Variants in DLG2 observed in about 807,000 individuals in gnomAD.
DLG2 encodes disks large homolog 2.
A neutral mutation model predicts 132.5 loss-of-function variants in DLG2; 45 were observed. The observed-to-expected ratio is 0.34, with a 90% CI of 0.27 to 0.44. The LOEUF (loss-of-function observed/expected upper bound fraction) is 0.44, where lower values mean the gene tolerates loss of function less well. Among genes scored for constraint, DLG2 ranks in the 20% least tolerant of loss-of-function variants. The pLI, the probability that DLG2 is intolerant of heterozygous loss-of-function variation, is 1.00. For missense variants in DLG2, 1,045 were observed against 1,196.9 expected (o/e 0.87, Z 1.87); for synonymous variants, 424 against 419.6 (o/e 1.01, Z -0.13).
At chr11:84,366,407 A>T (rs902438888) in intron 7 of DLG2, among the ~76,000 whole-genome samples, 2 of 152,156 alleles carry the variant, frequency 1.3e-5, no homozygotes, top group Non-Finnish European at 2.9e-5. Context: ...TGCATCAACT[A>T]ACGAGCAAAA....
chr11:85,036,706 A>G (rs1317727540), intron 6 of DLG2, among the ~76,000 whole-genome samples: 1 of 152,172 alleles, frequency 6.6e-6, no homozygotes, highest in African/African-American at 2.4e-5. Flanking sequence ...ACAGCACAAT[A>G]TCTTTCTTTC....
At chr11:84,319,165 A>G (rs1187127906) in intron 7 of DLG2, among the ~76,000 whole-genome samples, 3 of 152,192 alleles carry the variant, frequency 2.0e-5, no homozygotes, top group Non-Finnish European at 4.4e-5. Flanking sequence ...CAATACCTGA[A>G]GACAGTGACG....
At chr11:84,307,861 C>A (rs2098241686) in intron 7 of DLG2, among the ~76,000 whole-genome samples, 1 of 151,854 alleles carries the variant, frequency 6.6e-6, no homozygotes. Context: ...AAGCTGCGGA[C>A]CTTCGCGGTG....
intron 3 of DLG2, among the ~76,000 whole-genome samples, chr11:85,490,737 C>A (rs1421020569): frequency 6.6e-6 from 1 of 151,952 alleles, no homozygotes; most frequent in Non-Finnish European, 1.5e-5. Context: ...TACAACCTCC[C>A]CAGATTCAAC....
intron 6 of DLG2, among the ~76,000 whole-genome samples, chr11:85,035,809 GATTA>G (rs1341597373): frequency 6.6e-6 from 1 of 152,110 alleles, no homozygotes; most frequent in Admixed American, 6.5e-5. Context: ...TGTTAGCTTT[GATTA>G]AGCTAAAAAG....
intron 18 of DLG2, among the ~76,000 whole-genome samples, chr11:83,645,482 A>G (rs1178535653): frequency 1.3e-5 from 2 of 152,146 alleles, no homozygotes; most frequent in Admixed American, 1.3e-4. Context: ...TGACCATTCT[A>G]TCCTCCAGAC....
chr11:84,425,156 G>A (rs2098962383), intron 7 of DLG2, among the ~76,000 whole-genome samples: 1 of 151,884 alleles, frequency 6.6e-6, no homozygotes. Flanking sequence ...TAATACCAAG[G>A]GGCAAATGAG....
rs962870202 is a variant in DLG2 at position 83,764,645 on chromosome 11, T to A, written c.1825+22045A>T. 1.2e-4 allele frequency among the ~76,000 whole-genome samples: 19 copies of A among 152,340 alleles called. 1 individual carries two copies. The highest frequency in any genetic ancestry group is 4.6e-4 in the African/African-American group (19 of 41,564). ...TTATCTTATAACATAGCTACTATTA[T>A]CTCAATTTTATTAATAAAGAGACTG... On this transcript the variant is annotated intron_variant, in intron 18 of 27. Transcript: ENST00000376104.
At chr11:84,260,671 C>A (rs943095870) in intron 7 of DLG2, among the ~76,000 whole-genome samples, 1 of 152,112 alleles carries the variant, frequency 6.6e-6, no homozygotes, top group East Asian at 1.9e-4. Flanking sequence ...GAAGGATTGA[C>A]GGAACTTTCT....
chr11:84,320,723 T>G (rs1038755397), intron 7 of DLG2, among the ~76,000 whole-genome samples: 1 of 152,164 alleles, frequency 6.6e-6, no homozygotes, highest in Non-Finnish European at 1.5e-5. Flanking sequence ...GAATTTAGTG[T>G]GGAAGAAAAC....
Position 83,994,631 on chromosome 11 carries a change from C to T in DLG2, c.920-13989G>A, listed in dbSNP as rs368483492. Among the ~76,000 whole-genome samples, 14 of 152,168 alleles carry T rather than the reference C, an allele frequency of 9.2e-5. No individual in the cohort carries two copies. The East Asian group carries it at 1.7e-3, about 19-fold the overall frequency. ...TTAACAAACCATGCAAGAAAGGGAT[C>T]GGGGTAAAATAATGCAGTGAGCTAC... On this transcript the variant is annotated intron_variant, in intron 11 of 27. Coordinates refer to ENST00000376104, the MANE Select transcript of DLG2 (RefSeq NM_001142699.3).
chr11:83,778,313 T>C (rs1314449975), intron 18 of DLG2, among the ~76,000 whole-genome samples: 1 of 152,150 alleles, frequency 6.6e-6, no homozygotes, highest in Non-Finnish European at 1.5e-5. Flanking sequence ...GCATTTGATC[T>C]GGGTGTTGCT....
intron 6 of DLG2, among the ~76,000 whole-genome samples, chr11:84,661,726 A>T (rs972272796): frequency 1.3e-5 from 2 of 152,008 alleles, no homozygotes; most frequent in Non-Finnish European, 1.5e-5. Context: ...AGGGAGGGAG[A>T]TTCAGAGATT....
At chr11:84,556,988 C>G (rs1021079710) in intron 6 of DLG2, among the ~76,000 whole-genome samples, 2 of 152,086 alleles carry the variant, frequency 1.3e-5, no homozygotes, top group East Asian at 1.9e-4. Context: ...GTATCCATCC[C>G]GGGTCATATC....
intron 6 of DLG2, among the ~76,000 whole-genome samples, chr11:84,754,756 C>G (rs1285164151): frequency 6.6e-6 from 1 of 152,100 alleles, no homozygotes; most frequent in African/African-American, 2.4e-5. Flanking sequence ...ATGTGCAAAA[C>G]CAAGAGTAAA....
intron 7 of DLG2, among the ~76,000 whole-genome samples, chr11:84,333,002 G>A (rs1160154338): frequency 6.6e-6 from 1 of 152,130 alleles, no homozygotes; most frequent in African/African-American, 2.4e-5. Context: ...GGATGAGTAG[G>A]AGCTTTATAC....
chr11:83,787,415 G>A (rs574170422), intron 17 of DLG2, among the ~76,000 whole-genome samples: 5 of 140,788 alleles, frequency 3.6e-5, no homozygotes, highest in East Asian at 2.3e-4. Context: ...TCCGCCTCCC[G>A]GGTTCACACC....
At chr11:83,561,399 G>C (rs569796246) in intron 19 of DLG2, among the ~76,000 whole-genome samples, 1 of 152,296 alleles carries the variant, frequency 6.6e-6, no homozygotes, top group African/African-American at 2.4e-5. Flanking sequence ...CCTGTCTCTT[G>C]TGCTCTACCT....
rs112358104 is a variant in DLG2, at chr11:83,581,090, T to C, written c.1941-39232A>G. 6.0e-4 allele frequency among the ~76,000 whole-genome samples: 91 copies of C among 151,856 alleles called. 1 individual carries two copies. Among genetic ancestry groups the C allele is most frequent in the African/African-American group, 2.0e-3 (84 of 41,374 alleles). On this transcript the variant is annotated intron_variant, in intron 19 of 27. Coordinates refer to ENST00000376104, the MANE Select transcript of DLG2 (RefSeq NM_001142699.3). ...GAACAAACTTGTCCACAGTTACAGA[T>C]CTCAAACCTCCAAATGAAGAGGGTG...
Sources: gnomAD v4.1 joint callset for allele counts (sites outside exome capture counted in the v4.1 genomes callset) on GRCh38, gnomAD v4.1.1 for gene constraint, MANE v1.5 for transcripts, NCBI Gene and HGNC (gene_info 2026-07-23, HGNC 2026-07-21) for gene names.